KCNC4: variants seen among roughly 807,000 people sequenced by gnomAD.
KCNC4 encodes potassium voltage-gated channel subfamily C member 4, also known as voltage-gated potassium channel KCNC4.
A neutral mutation model predicts 42.8 loss-of-function variants in KCNC4; 23 were observed. That is an observed-to-expected ratio of 0.54 (90% confidence interval 0.39 to 0.76). The LOEUF (loss-of-function observed/expected upper bound fraction) is 0.76, where lower values mean the gene tolerates loss of function less well. KCNC4 is among the 30% of genes least tolerant of loss of function. KCNC4 has a pLI of 0.00. For synonymous variants in KCNC4, 422 were observed against 393.5 expected, an observed-to-expected ratio of 1.07 and a Z score of -0.86; for missense variants, 751 against 898.2, an observed-to-expected ratio of 0.84 and a Z score of 2.10.
intron 1 of KCNC4, among the ~76,000 whole-genome samples, chr1:110,260,738 G>A (rs1364232984): frequency 6.6e-6 from 1 of 152,138 alleles, no homozygotes; most frequent in African/African-American, 2.4e-5. Flanking sequence ...AGACAATCCT[G>A]GCTAACACGG....
rs1040478840 is a variant in KCNC4, at chr1:110,212,703, A to G, written c.678+526A>G. Among the ~76,000 whole-genome samples, 10 of 152,336 alleles carry G rather than the reference A, an allele frequency of 6.6e-5. No homozygotes were observed. In the Middle Eastern group the frequency reaches 0.024, roughly 363 times the overall value. ...CTATGCACTTCAGAGAGGAGGATAT[A>G]GGCTTCAGCATCTTAAGCTCAGAAG... On this transcript the variant is annotated intron_variant, in intron 1 of 3. Transcript: ENST00000438661.
chr1:110,242,272 G>A (rs1394456799), exon 4 of KCNC4: 2 of 152,176 alleles, frequency 1.3e-5, no homozygotes, highest in East Asian at 1.9e-4. Flanking sequence ...GCTATATCCT[G>A]GGTCCTTTCT....
At chr1:110,273,359 T>C (rs532643052) in intron 1 of KCNC4, among the ~76,000 whole-genome samples, 22 of 152,356 alleles carry the variant, frequency 1.4e-4, no homozygotes, top group Non-Finnish European at 2.9e-4. Flanking sequence ...GGAGACACTT[T>C]GGCATTCTAT....
Position 110,223,386 on chromosome 1 carries a change from A to T in KCNC4, c.1101A>T (p.Leu367=). ...AGCTCACACGCCACTTCGTGGGGCTACGCGTGCTGGGCCACACCCTGAGGG... is the reference window on the plus strand; with the variant it reads ...AGCTCACACGCCACTTCGTGGGGCTTCGCGTGCTGGGCCACACCCTGAGGG... The part of the protein sequence containing the change: ...IFKLTRHFVG[L]RVLGHTLRAS... Residue 367 remains leucine (L), a synonymous_variant, in exon 2 of 4, where the codon CTA becomes CTT. Coordinates refer to ENST00000438661, the MANE Select transcript of KCNC4 (RefSeq NM_001039574.3). This position sits in a 1 kb window ranked among gnomAD's most constrained non-coding sequence, Gnocchi z 7.5. The T allele has an allele frequency of 6.2e-7, 1 of 1,613,928 alleles. No individual in the cohort carries two copies. The highest frequency in any genetic ancestry group is 8.5e-7 in the Non-Finnish European group (1 of 1,179,972).
At chr1:110,253,339 G>A (rs2101068526), downstream of KCNC4, among the ~76,000 whole-genome samples, 1 of 152,354 alleles carries the variant, frequency 6.6e-6, no homozygotes, top group East Asian at 1.9e-4. Context: ...CCAATCATGA[G>A]AGATGTCTCA....
chr1:110,279,475 C>T (rs1036193541), intron 1 of KCNC4, among the ~76,000 whole-genome samples: 3 of 152,158 alleles, frequency 2.0e-5, no homozygotes, highest in African/African-American at 7.2e-5. Context: ...TGAAGAGCCT[C>T]CCATGTGGTC....
chr1:110,281,759 A>G (rs1217630402), intron 1 of KCNC4, among the ~76,000 whole-genome samples: 6 of 152,198 alleles, frequency 3.9e-5, no homozygotes. Context: ...GGAATTTGGT[A>G]TCCCCACCTA....
intron 1 of KCNC4, among the ~76,000 whole-genome samples, chr1:110,214,468 T>G (rs547652327): frequency 2.6e-5 from 4 of 152,142 alleles, no homozygotes; most frequent in Non-Finnish European, 5.9e-5. Context: ...ATACATAATT[T>G]TTACAAATTA....
downstream of KCNC4, chr1:110,238,907 G>T (rs1658968680): frequency 6.6e-6 from 1 of 152,318 alleles, no homozygotes; most frequent in South Asian, 2.1e-4. Context: ...TAATCAGGGA[G>T]AGAGGCCAGA....
At chr1:110,225,746 G>C in intron 2 of KCNC4, 1 of 542,052 alleles carries the variant, frequency 1.8e-6, no homozygotes, top group Non-Finnish European at 3.3e-6. Flanking sequence ...TCATCCCTGA[G>C]GAGAGACCCT....
intron 3 of KCNC4, among the ~76,000 whole-genome samples, chr1:110,230,641 G>A (rs1271073873): frequency 1.3e-5 from 2 of 152,176 alleles, no homozygotes; most frequent in African/African-American, 4.8e-5. Flanking sequence ...GATGTCCCTG[G>A]GCGACAAGAT....
intron 1 of KCNC4, among the ~76,000 whole-genome samples, chr1:110,268,775 T>C (rs1047632549): frequency 3.3e-4 from 47 of 143,534 alleles, no homozygotes; most frequent in African/African-American, 1.1e-3. Flanking sequence ...TCACCCAGGC[T>C]GGAGTGCAGT....
Position 110,226,106 on chromosome 1 carries a change from A to G in KCNC4, c.1747A>G (p.Asn583Asp). ...GCGACGCTCCACCACTCGAGACAGA[A>G]ACAAGAAGGCAGCTGCCTGCTTCCT... ...ALRRSTTRDR[N>D]KKAAACFLLS... The change falls in exon 3 of 4, where the codon AAC (asparagine) becomes GAC (aspartate). Residue 583 changes from asparagine (N) to aspartate (D), a missense_variant. Asn to Asp is a conservative substitution (Grantham distance 23). Around this residue, in one of 4 missense-constraint regions of KCNC4, gnomAD observed 202 missense variants for 181.5 expected, o/e 1.11. Coordinates refer to ENST00000438661, the MANE Select transcript of KCNC4 (RefSeq NM_001039574.3). The G allele has an allele frequency of 6.2e-7, 1 of 1,614,110 alleles. No homozygotes were observed. Among genetic ancestry groups the G allele is most frequent in the East Asian group, 2.2e-5 (1 of 44,862 alleles).
chr1:110,220,709 C>T (rs1434097638), intron 1 of KCNC4: 1 of 152,216 alleles, frequency 6.6e-6, no homozygotes, highest in Admixed American at 6.5e-5. Flanking sequence ...GACTGGACTC[C>T]TGGCATGGCC....
rs372345369 is a variant in KCNC4 at position 110,223,590 on chromosome 1, G to T, written c.1305G>T (p.Thr435=). The T allele has an allele frequency of 6.2e-7, 1 of 1,613,924 alleles. No individual in the cohort carries two copies. Among genetic ancestry groups the T allele is most frequent in the East Asian group, 2.2e-5 (1 of 44,890 alleles). The change falls in exon 2 of 4, where the codon ACG becomes ACT. Residue 435 remains threonine, a synonymous_variant. Coordinates refer to ENST00000438661, the MANE Select transcript of KCNC4 (RefSeq NM_001039574.3). This position sits in a 1 kb window ranked among gnomAD's most constrained non-coding sequence, Gnocchi z 7.5. ...TCTGGTGGGCTGTGGTCACCATGAC[G>T]ACACTGGGCTACGGAGACATGTACC... The part of the protein sequence containing the change: ...IGFWWAVVTM[T]TLGYGDMYPK...
chr1:110,230,856 CT>C (rs1358716587), intron 3 of KCNC4, among the ~76,000 whole-genome samples: 1 of 152,236 alleles, frequency 6.6e-6, no homozygotes, highest in Admixed American at 6.5e-5. Context: ...TGCAGAACCC[CT>C]GCATACCAGG....
chr1:110,238,595 C>T (rs1209474972), downstream of KCNC4: 2 of 152,172 alleles, frequency 1.3e-5, no homozygotes, highest in South Asian at 2.1e-4. Context: ...CCCAAACAGA[C>T]ACTCCCTTCC....
chr1:110,219,500 GGTT>G (rs1260829559), intron 1 of KCNC4, among the ~76,000 whole-genome samples: 1 of 152,180 alleles, frequency 6.6e-6, no homozygotes. Context: ...TCTAGTGTAG[GGTT>G]CCTTAGCTGT....
At position 110,210,350 on chromosome 1, in the gene KCNC4, G is replaced by A. The variant is rs1255022287; in HGVS notation, c.-1150G>A. 6.6e-6 allele frequency among the ~76,000 whole-genome samples: 1 copy of A among 151,672 alleles called. No individual in the cohort carries two copies. The highest frequency in any genetic ancestry group is 6.6e-5 in the Admixed American group (1 of 15,234). ...GCGGCCGCTGCCAGCGCCGGAGGGAGACCATGAGCCCCTAGGGCCCCAGCC... is the reference window on the plus strand; with the variant it reads ...GCGGCCGCTGCCAGCGCCGGAGGGAAACCATGAGCCCCTAGGGCCCCAGCC... On this transcript the variant is annotated 5_prime_UTR_variant, in exon 1 of 4. Coordinates refer to ENST00000438661, the MANE Select transcript of KCNC4 (RefSeq NM_001039574.3).
Sources: allele counts gnomAD v4.1 joint callset (sites outside exome capture counted in the v4.1 genomes callset), GRCh38; gene constraint gnomAD v4.1.1; regional missense constraint gnomAD v4.1.1; non-coding constraint Gnocchi (gnomAD v3.1); transcripts MANE v1.5; gene names NCBI Gene and HGNC (gene_info 2026-07-23, HGNC 2026-07-21).